ADAMTSL2: variants seen among roughly 807,000 people sequenced by gnomAD.
ADAMTSL2 encodes ADAMTS like 2.
ADAMTSL2 carries 55 observed loss-of-function variants against 117.0 expected under a neutral mutation model. That is an observed-to-expected ratio of 0.47 (90% CI 0.38 to 0.59). The LOEUF (loss-of-function observed/expected upper bound fraction) is 0.59, where lower values mean the gene tolerates loss of function less well. ADAMTSL2 is among the 20% of genes least tolerant of loss of function. The pLI, the probability that ADAMTSL2 is intolerant of heterozygous loss-of-function variation, is 0.00. For synonymous variants in ADAMTSL2, 572 were observed against 566.4 expected, an observed-to-expected ratio of 1.01 and a Z score of -0.14; for missense variants, 1,182 against 1,354.5, an observed-to-expected ratio of 0.87 and a Z score of 2.00.
rs1040965149 is a variant in ADAMTSL2 at position 133,560,330 on chromosome 9, C to T, written c.1650-868C>T. Among the ~76,000 whole-genome samples the T allele has an allele frequency of 7.3e-4, 111 of 152,342 alleles. 1 individual carries two copies. The South Asian group carries it at 0.022, about 30-fold the overall frequency. ...GGCTCGAAGGACCTGCTGTCCACCG[C>T]GCCGGCTTGCCATCGCCCCTTCTCT... On this transcript the variant is annotated intron_variant, in intron 11 of 18. Coordinates refer to ENST00000651351, the MANE Select transcript of ADAMTSL2 (RefSeq NM_014694.4).
chr9:133,551,997 T>A (rs9697183), intron 9 of ADAMTSL2, among the ~76,000 whole-genome samples: 47,686 of 151,504 alleles, frequency 0.31, 8,136 homozygotes, highest in Middle Eastern at 0.39. Flanking sequence ...ACCCAGCTAA[T>A]TTTTGTACTT....
chr9:133,533,714 G>C (rs889630154), upstream of ADAMTSL2, among the ~76,000 whole-genome samples: 1 of 152,238 alleles, frequency 6.6e-6, no homozygotes, highest in Non-Finnish European at 1.5e-5. Context: ...AGGGAGGACA[G>C]AGGGAAGGAG....
intron 6 of ADAMTSL2, 46 bp from the exon 7 acceptor site, chr9:133,540,832 G>A: frequency 3.7e-6 from 6 of 1,613,128 alleles, no homozygotes; most frequent in Non-Finnish European, 5.1e-6. Context: ...CCCGGGGCCT[G>A]GCCACAGCGC....
chr9:133,556,319 G>A (rs1830604519), intron 11 of ADAMTSL2, among the ~76,000 whole-genome samples: 1 of 152,206 alleles, frequency 6.6e-6, no homozygotes, highest in African/African-American at 2.4e-5. Context: ...TTAGTGGTGG[G>A]GTTGCTATTT....
chr9:133,550,518 T>G (rs139995681), intron 9 of ADAMTSL2, among the ~76,000 whole-genome samples: 1 of 152,252 alleles, frequency 6.6e-6, no homozygotes, highest in African/African-American at 2.4e-5. Context: ...CCTTTGGGCG[T>G]TGGGGCTGTG....
chr9:133,548,994 T>TCTGCGACGCCCTCTA (rs1588288244), intron 9 of ADAMTSL2, among the ~76,000 whole-genome samples: 3 of 68,036 alleles, frequency 4.4e-5, no homozygotes, highest in Admixed American at 1.3e-4. Context: ...GTTTCCTTCT[T>TCTGCGACGCCCTCTA]TTTTTTTTTT....
chr9:133,533,174 T>TGTGTGG (rs1301914037), upstream of ADAMTSL2, among the ~76,000 whole-genome samples: 1 of 96,724 alleles, frequency 1.0e-5, no homozygotes, highest in African/African-American at 3.9e-5. Flanking sequence ...TGTGTGTGTG[T>TGTGTGG]GTGTGTGTGT....
intron 9 of ADAMTSL2, 134 bp downstream of exon 9, chr9:133,547,347 T>C: frequency 1.2e-6 from 1 of 824,782 alleles, no homozygotes; most frequent in Non-Finnish European, 1.9e-6. Context: ...GCCTCACCAC[T>C]CTGCGTGGGC....
intron 9 of ADAMTSL2, among the ~76,000 whole-genome samples, chr9:133,548,407 C>G (rs541654009): frequency 1.5e-4 from 23 of 152,198 alleles, no homozygotes; most frequent in Non-Finnish European, 2.6e-4. Context: ...GGAGCTGTGT[C>G]TGGAGGTGGA....
intron 17 of ADAMTSL2, among the ~76,000 whole-genome samples, chr9:133,572,188 C>G (rs370415361): frequency 0.073 from 10,898 of 149,556 alleles, 441 homozygotes; most frequent in South Asian, 0.15. Flanking sequence ...CCCCACCCCC[C>G]ACCCCGCCCC....
chr9:133,538,223 G>A, intron 3 of ADAMTSL2, 126 bp from the exon 4 acceptor site: 1 of 1,100,410 alleles, frequency 9.1e-7, no homozygotes, highest in Non-Finnish European at 1.4e-6. Flanking sequence ...GTTGAGTAGG[G>A]AGGAAGGAGC....
intron 12 of ADAMTSL2, among the ~76,000 whole-genome samples, chr9:133,565,463 C>G (rs1830945841): frequency 6.6e-6 from 1 of 152,204 alleles, no homozygotes; most frequent in South Asian, 2.1e-4. Flanking sequence ...CCCCGCACCT[C>G]CCTGGGCCCC....
chr9:133,556,606 C>T (rs1285008979), intron 11 of ADAMTSL2, among the ~76,000 whole-genome samples: 1 of 152,218 alleles, frequency 6.6e-6, no homozygotes, highest in Non-Finnish European at 1.5e-5. Context: ...AGAGAGTCCA[C>T]CTGGGGCCAG....
intron 11 of ADAMTSL2, among the ~76,000 whole-genome samples, chr9:133,560,609 C>T (rs1410730631): frequency 6.6e-6 from 1 of 152,258 alleles, no homozygotes; most frequent in African/African-American, 2.4e-5. Context: ...CCTCCCCCGA[C>T]CCCAGCAGGT....
At position 133,558,012 on chromosome 9, in the gene ADAMTSL2, T is replaced by G. The variant is rs1042213537; in HGVS notation, c.1649+2082T>G. ...CACCAGGTCAAATATTCAGTGATCC[T>G]TAGGCCAGGGTCATGGCACAAGCTT... On this transcript the variant is annotated intron_variant, in intron 11 of 18. Transcript: ENST00000651351. The surrounding 1 kb of genome is among the most constrained non-coding windows in gnomAD (Gnocchi z 4.3). Among the ~76,000 whole-genome samples, 4 of 152,190 alleles carry G rather than the reference T, an allele frequency of 2.6e-5. No individual in the cohort carries two copies. Among genetic ancestry groups the G allele is most frequent in the African/African-American group, 9.7e-5 (4 of 41,442 alleles).
chr9:133,541,054 G>T, intron 7 of ADAMTSL2, 53 bp downstream of exon 7: 1 of 1,581,854 alleles, frequency 6.3e-7, no homozygotes. Flanking sequence ...GGGAATCGGG[G>T]GTCCTGAGTG....
Position 133,554,428 on chromosome 9 carries a change from C to T in ADAMTSL2, c.1011C>T (p.Ser337=). 2 of 1,564,022 alleles carry T rather than the reference C, an allele frequency of 1.3e-6. No individual in the cohort carries two copies. The highest frequency in any genetic ancestry group is 1.9e-5 in the Admixed American group (1 of 53,152). ...CGCTGCTGCAGCCGCCACACGAGAG[C>T]CGCCCCCAGCCCATCTACTATGGCT... ...EYTLLQPPHE[S]RPQPIYYGFS... The change falls in exon 10 of 19, where the codon AGC becomes AGT. Residue 337 remains serine (S), a synonymous_variant. Transcript: ENST00000651351. The surrounding 1 kb of genome is among the most constrained non-coding windows in gnomAD (Gnocchi z 5.2).
upstream of ADAMTSL2, chr9:133,534,644 G>T: frequency 7.6e-7 from 1 of 1,318,390 alleles, no homozygotes; most frequent in Non-Finnish European, 9.7e-7. Flanking sequence ...GGTGGGAAGT[G>T]TGAGTGTTCC....
At chr9:133,548,686 G>C (rs961064950) in intron 9 of ADAMTSL2, among the ~76,000 whole-genome samples, 1 of 152,142 alleles carries the variant, frequency 6.6e-6, no homozygotes, top group Admixed American at 6.5e-5. Flanking sequence ...ACTGCCAGGT[G>C]TAGTTGCCCC....
Sources: gnomAD v4.1 joint callset for allele counts (sites outside exome capture counted in the v4.1 genomes callset) on GRCh38, gnomAD v4.1.1 for gene constraint, Gnocchi (gnomAD v3.1) non-coding constraint, MANE v1.5 for transcripts, NCBI Gene and HGNC (gene_info 2026-07-23, HGNC 2026-07-21) for gene names.